EPHA6: variants seen among roughly 807,000 people sequenced by gnomAD.
EPHA6 encodes EPH receptor A6, also known as ephrin type-A receptor 6.
A neutral mutation model predicts 112.0 loss-of-function variants in EPHA6; 50 were observed. That is an observed-to-expected ratio of 0.45 (90% CI 0.36 to 0.56). The LOEUF (loss-of-function observed/expected upper bound fraction) is 0.56. EPHA6 is among the 20% of genes least tolerant of loss of function. The probability of loss-of-function intolerance (pLI) is 0.00; values close to 1 mark genes in which losing one functional copy is unlikely to be tolerated. For synonymous variants in EPHA6, 529 were observed against 490.7 expected, an observed-to-expected ratio of 1.08 and a Z score of -1.03; for missense variants, 1,280 against 1,417.4, an observed-to-expected ratio of 0.90 and a Z score of 1.56.
At chr3:97,539,446 C>T (rs1234748978) in intron 11 of EPHA6, among the ~76,000 whole-genome samples, 4 of 152,246 alleles carry the variant, frequency 2.6e-5, no homozygotes, top group Middle Eastern at 3.4e-3. Context: ...TCACACCTGC[C>T]GTTCCAGGCA....
chr3:97,292,254 C>T (rs1392651613), intron 5 of EPHA6, among the ~76,000 whole-genome samples: 1 of 152,246 alleles, frequency 6.6e-6, no homozygotes, highest in Non-Finnish European at 1.5e-5. Context: ...AGCCCTGGCT[C>T]AGGGAGCCCC....
At position 96,987,815 on chromosome 3, in the gene EPHA6, T is replaced by C. The variant is rs968162652; in HGVS notation, c.936T>C (p.Pro312=). The change falls in exon 3 of 18, where the codon CCT becomes CCC. Residue 312 remains proline, a synonymous_variant. Transcript: ENST00000389672. ...PFTVRNLAMF[P]DTIPRVDSSS... Reference sequence around the variant, plus strand: ...CTGTTCGTAACTTGGCCATGTTTCCTGATACCATTCCAAGGGTTGATTCCT... The same window carrying C: ...CTGTTCGTAACTTGGCCATGTTTCCCGATACCATTCCAAGGGTTGATTCCT... The C allele has an allele frequency of 3.1e-6, 5 of 1,614,030 alleles. No homozygotes were observed. Among genetic ancestry groups the C allele is most frequent in the Non-Finnish European group, 4.2e-6 (5 of 1,179,900 alleles).
At chr3:97,134,478 G>C (rs1216439712) in intron 3 of EPHA6, among the ~76,000 whole-genome samples, 1 of 152,092 alleles carries the variant, frequency 6.6e-6, no homozygotes, top group East Asian at 1.9e-4. Flanking sequence ...AATCAGGGTT[G>C]AGAACAATTG....
intron 3 of EPHA6, among the ~76,000 whole-genome samples, chr3:97,094,364 G>A (rs1010356912): frequency 6.6e-6 from 1 of 151,992 alleles, no homozygotes; most frequent in Non-Finnish European, 1.5e-5. Context: ...TTCTGGTCAC[G>A]ATATCAAAAG....
chr3:96,895,932 A>G (rs971000603), intron 2 of EPHA6, among the ~76,000 whole-genome samples: 1 of 152,152 alleles, frequency 6.6e-6, no homozygotes, highest in Admixed American at 6.5e-5. Flanking sequence ...CAGTAAGACC[A>G]CGTACCTATT....
intron 2 of EPHA6, among the ~76,000 whole-genome samples, chr3:96,913,260 C>G (rs542859705): frequency 6.6e-6 from 1 of 151,400 alleles, no homozygotes; most frequent in African/African-American, 2.4e-5. Context: ...TAACTAGCTA[C>G]TCAAGAGGCT....
intron 11 of EPHA6, among the ~76,000 whole-genome samples, chr3:97,533,278 T>C (rs762213091): frequency 1.2e-4 from 18 of 152,010 alleles, no homozygotes; most frequent in Non-Finnish European, 1.9e-4. Context: ...ACTTCAATCC[T>C]TGAAAGAGGC....
intron 11 of EPHA6, among the ~76,000 whole-genome samples, chr3:97,542,898 G>C (rs1166051684): frequency 6.6e-6 from 1 of 152,160 alleles, no homozygotes; most frequent in Non-Finnish European, 1.5e-5. Flanking sequence ...GTCTTCTTGT[G>C]AGAAGTGTCT....
chr3:97,585,598 C>T (rs572995741), intron 11 of EPHA6, among the ~76,000 whole-genome samples: 5 of 151,906 alleles, frequency 3.3e-5, no homozygotes, highest in African/African-American at 1.2e-4. Flanking sequence ...ATTACAGTTA[C>T]CTGAAGGATT....
intron 10 of EPHA6, among the ~76,000 whole-genome samples, chr3:97,517,289 C>T (rs1184876117): frequency 6.6e-6 from 1 of 151,970 alleles, no homozygotes; most frequent in Non-Finnish European, 1.5e-5. Flanking sequence ...CCAGGAAGAA[C>T]TATAGTGTGT....
chr3:97,280,896 T>A (rs1031599786), intron 5 of EPHA6, among the ~76,000 whole-genome samples: 2 of 152,178 alleles, frequency 1.3e-5, no homozygotes, highest in Non-Finnish European at 2.9e-5. Flanking sequence ...TGACTCTGTA[T>A]CCCCATCTCA....
intron 13 of EPHA6, among the ~76,000 whole-genome samples, chr3:97,631,557 A>T (rs898697466): frequency 1.3e-5 from 2 of 151,976 alleles, no homozygotes; most frequent in Non-Finnish European, 2.9e-5. Context: ...AAGGCTTTTG[A>T]TATACATATG....
At chr3:97,470,703 A>G (rs1244559925) in intron 7 of EPHA6, among the ~76,000 whole-genome samples, 1 of 151,634 alleles carries the variant, frequency 6.6e-6, no homozygotes, top group Non-Finnish European at 1.5e-5. Flanking sequence ...ACCACACTTA[A>G]TAATGTCATC....
At chr3:96,975,939 T>G (rs572575984) in intron 2 of EPHA6, among the ~76,000 whole-genome samples, 1 of 152,296 alleles carries the variant, frequency 6.6e-6, no homozygotes, top group African/African-American at 2.4e-5. Context: ...CTACATAAAA[T>G]TTTTCTTAAA....
intron 3 of EPHA6, among the ~76,000 whole-genome samples, chr3:97,012,422 C>A (rs1197903085): frequency 6.6e-6 from 1 of 151,142 alleles, no homozygotes; most frequent in East Asian, 1.9e-4. Context: ...ACTCTGGGCT[C>A]AGATGATCCT....
chr3:96,954,720 C>G (rs2041685488), intron 2 of EPHA6, among the ~76,000 whole-genome samples: 11 of 147,318 alleles, frequency 7.5e-5, no homozygotes, highest in Admixed American at 7.4e-4. Context: ...CAAGCTATAA[C>G]CAAATACAAG....
At chr3:97,112,055 T>C (rs1161192804) in intron 3 of EPHA6, among the ~76,000 whole-genome samples, 1 of 152,162 alleles carries the variant, frequency 6.6e-6, no homozygotes, top group Non-Finnish European at 1.5e-5. Flanking sequence ...TGTTTCCAAA[T>C]TGTGTTGCTG....
At position 97,275,788 on chromosome 3, in the gene EPHA6, C is replaced by T. The variant is rs539946673; in HGVS notation, c.1606+31501C>T. Among the ~76,000 whole-genome samples, 11 of 149,550 alleles carry T rather than the reference C, an allele frequency of 7.4e-5. No individual in the cohort carries two copies. In the South Asian group the frequency reaches 8.4e-4, roughly 11 times the overall value. On this transcript the variant is annotated intron_variant, in intron 5 of 17. Coordinates refer to ENST00000389672, the MANE Select transcript of EPHA6 (RefSeq NM_001080448.3). ...AGATGGTAAGGGGTGCATGATCGGT[C>T]GCCAAGGAGGGAGTAGAGGTATCCC...
chr3:97,391,773 A>G (rs1248063918), intron 5 of EPHA6, among the ~76,000 whole-genome samples: 1 of 151,864 alleles, frequency 6.6e-6, no homozygotes, highest in Non-Finnish European at 1.5e-5. Context: ...CTTAAGGGAA[A>G]AAAAGGTAAT....
Sources: allele counts gnomAD v4.1 joint callset (sites outside exome capture counted in the v4.1 genomes callset), GRCh38; gene constraint gnomAD v4.1.1; transcripts MANE v1.5; gene names NCBI Gene and HGNC (gene_info 2026-07-23, HGNC 2026-07-21).